The following SGCZ variants were observed in gnomAD, a reference collection of about 807,000 sequenced individuals.
SGCZ encodes zeta-sarcoglycan.
Under a neutral mutation model 41.3 loss-of-function variants are expected in SGCZ, and 40 were observed. The observed-to-expected ratio is 0.97, with a 90% confidence interval of 0.75 to 1.26. The LOEUF (loss-of-function observed/expected upper bound fraction) is 1.26, where lower values mean the gene tolerates loss of function less well. Among genes scored for constraint, SGCZ ranks in the 50% most tolerant of loss-of-function variants. The pLI is 0.00. For synonymous variants in SGCZ, 206 were observed against 137.5 expected (o/e 1.50, Z -3.49); for missense variants, 552 against 369.8 (o/e 1.49, Z -4.04).
intron 3 of SGCZ, among the ~76,000 whole-genome samples, chr8:14,251,812 T>G (rs761969340): frequency 2.0e-5 from 3 of 152,130 alleles, no homozygotes; most frequent in Non-Finnish European, 4.4e-5. Flanking sequence ...GCCTCCCGGG[T>G]TCAAGTGGTT....
chr8:14,704,832 A>G lies in SGCZ; in HGVS notation c.40-149906T>C, dbSNP rs184712408. On this transcript the variant is annotated intron_variant, in intron 1 of 7. Transcript: ENST00000382080. ...AACAACAACAAAACACTTCTTAGGGATAAACTAAATACTGGGCATCACAAA... is the reference window on the plus strand; with the variant it reads ...AACAACAACAAAACACTTCTTAGGGGTAAACTAAATACTGGGCATCACAAA... 2.6e-4 allele frequency among the ~76,000 whole-genome samples: 39 copies of G among 152,148 alleles called. 1 individual carries two copies. The highest frequency in any genetic ancestry group is 2.5e-3 in the Admixed American group (38 of 15,258).
At chr8:14,621,814 A>T (rs1412461973) in intron 1 of SGCZ, among the ~76,000 whole-genome samples, 1 of 152,036 alleles carries the variant, frequency 6.6e-6, no homozygotes, top group Non-Finnish European at 1.5e-5. Context: ...TTACAATTTG[A>T]CCTGAGATTT....
At position 15,227,314 on chromosome 8, in the gene SGCZ, G is replaced by A. The variant is rs539431073; in HGVS notation, c.39+10271C>T. Among the ~76,000 whole-genome samples, 11 of 152,308 alleles carry A rather than the reference G, an allele frequency of 7.2e-5. No homozygotes were observed. In the South Asian group the frequency reaches 2.3e-3, roughly 32 times the overall value. ...CACAAACGAGCTATTAAATGATTCT[G>A]AGAGTGGAAGATCAAATAGGTAAAT... is the stretch of plus-strand genomic sequence containing the variant. On this transcript the variant is annotated intron_variant, in intron 1 of 7. Transcript: ENST00000382080.
At chr8:14,600,514 G>A (rs1400579029) in intron 1 of SGCZ, among the ~76,000 whole-genome samples, 1 of 152,070 alleles carries the variant, frequency 6.6e-6, no homozygotes, top group Non-Finnish European at 1.5e-5. Flanking sequence ...TCTCAGTGCG[G>A]GAGAGTCAAA....
intron 1 of SGCZ, among the ~76,000 whole-genome samples, chr8:14,711,636 T>C (rs1486719362): frequency 6.7e-6 from 1 of 149,038 alleles, no homozygotes; most frequent in Non-Finnish European, 1.5e-5. Flanking sequence ...TATGCGTCCC[T>C]TGTACGGAAA....
intron 1 of SGCZ, among the ~76,000 whole-genome samples, chr8:14,801,744 A>G (rs936763234): frequency 4.6e-4 from 70 of 152,202 alleles, no homozygotes; most frequent in Non-Finnish European, 1.2e-4. Context: ...CAAATTAAGA[A>G]ATGACTGAAA....
chr8:15,214,928 A>C (rs1175534303), intron 1 of SGCZ, among the ~76,000 whole-genome samples: 2 of 152,168 alleles, frequency 1.3e-5, no homozygotes, highest in Non-Finnish European at 2.9e-5. Context: ...AGATAATGAG[A>C]CTGTGATGAA....
intron 3 of SGCZ, among the ~76,000 whole-genome samples, chr8:14,295,695 C>A (rs1800985540): frequency 6.6e-6 from 1 of 152,040 alleles, no homozygotes; most frequent in Non-Finnish European, 1.5e-5. Flanking sequence ...GGGGTGAATT[C>A]TACTTTTATG....
chr8:14,703,739 G>T (rs1408106518), intron 1 of SGCZ, among the ~76,000 whole-genome samples: 1 of 151,914 alleles, frequency 6.6e-6, no homozygotes, highest in African/African-American at 2.4e-5. Flanking sequence ...TTTAGTGGCT[G>T]TGGTCTCTTA....
At chr8:14,959,616 C>G (rs1426733147) in intron 1 of SGCZ, among the ~76,000 whole-genome samples, 1 of 152,118 alleles carries the variant, frequency 6.6e-6, no homozygotes, top group African/African-American at 2.4e-5. Flanking sequence ...CCAACAACAG[C>G]AGAAAGCACT....
intron 3 of SGCZ, among the ~76,000 whole-genome samples, chr8:14,317,182 G>A (rs28541988): frequency 0.025 from 3,789 of 152,058 alleles, 159 homozygotes; most frequent in African/African-American, 0.086. Context: ...GCAATGTTTG[G>A]CTGGGAATAA....
chr8:14,621,162 A>G (rs1585131432), intron 1 of SGCZ, among the ~76,000 whole-genome samples: 2 of 151,964 alleles, frequency 1.3e-5, no homozygotes, highest in African/African-American at 2.4e-5. Flanking sequence ...GCTGGAAACC[A>G]TCATTCTCAG....
At chr8:14,739,792 T>G (rs1799146527) in intron 1 of SGCZ, among the ~76,000 whole-genome samples, 1 of 152,206 alleles carries the variant, frequency 6.6e-6, no homozygotes, top group Non-Finnish European at 1.5e-5. Flanking sequence ...GTGAACACTA[T>G]GCATATTCCA....
chr8:14,839,807 T>C (rs1802837054), intron 1 of SGCZ, among the ~76,000 whole-genome samples: 1 of 152,202 alleles, frequency 6.6e-6, no homozygotes, highest in Non-Finnish European at 1.5e-5. Context: ...TTTAGTTATT[T>C]ATGTATCTAT....
At chr8:14,124,337 G>A (rs1370392860) in intron 5 of SGCZ, among the ~76,000 whole-genome samples, 5 of 151,546 alleles carry the variant, frequency 3.3e-5, no homozygotes. Flanking sequence ...GATTGCCTTG[G>A]TTATTATTTA....
Position 14,658,378 on chromosome 8 carries a change from GCAAA to G in SGCZ, c.40-103456_40-103453del, listed in dbSNP as rs557872457. ...CTCATGCCCTTTCATAGTTTTTTCA[GCAAA>G]CAGAGTGGTCCTGTAAATTCAGATC... On this transcript the variant is annotated intron_variant, in intron 1 of 7. Transcript: ENST00000382080. Among the ~76,000 whole-genome samples, 44 of 152,220 alleles carry G rather than the reference GCAAA, an allele frequency of 2.9e-4. No homozygotes were observed. In the East Asian group the frequency reaches 8.3e-3, roughly 29 times the overall value.
intron 1 of SGCZ, among the ~76,000 whole-genome samples, chr8:15,149,393 T>C (rs1235378128): frequency 3.3e-5 from 5 of 152,094 alleles, no homozygotes; most frequent in African/African-American, 4.8e-5. Context: ...CCCCACCAGA[T>C]AGGACTATGA....
intron 5 of SGCZ, among the ~76,000 whole-genome samples, chr8:14,153,686 G>C (rs1322941925): frequency 1.3e-5 from 2 of 152,040 alleles, no homozygotes; most frequent in Non-Finnish European, 2.9e-5. Flanking sequence ...GATACTCAAG[G>C]GAAAGAGGCT....
intron 1 of SGCZ, among the ~76,000 whole-genome samples, chr8:15,229,635 T>C (rs910052025): frequency 6.6e-6 from 1 of 152,204 alleles, no homozygotes; most frequent in African/African-American, 2.4e-5. Flanking sequence ...AATCTTGAGG[T>C]AAGCGATTTA....
Sources: gnomAD v4.1 joint callset for allele counts (sites outside exome capture counted in the v4.1 genomes callset) on GRCh38, gnomAD v4.1.1 for gene constraint, MANE v1.5 for transcripts, NCBI Gene and HGNC (gene_info 2026-07-23, HGNC 2026-07-21) for gene names.